EXOC4: variants seen among roughly 807,000 people sequenced by gnomAD.
EXOC4 encodes SEC8-like 1.
EXOC4 carries 71 observed loss-of-function variants against 107.2 expected under a neutral mutation model. The ratio of observed to expected loss-of-function variants is 0.66; its 90% CI spans 0.55 to 0.81. EXOC4 has a LOEUF of 0.81. Among genes scored for constraint, EXOC4 ranks in the 30% least tolerant of loss-of-function variants. The probability of loss-of-function intolerance (pLI) is 0.00; values close to 1 mark genes in which losing one functional copy is unlikely to be tolerated. For synonymous variants in EXOC4, 456 were observed against 441.2 expected, an observed-to-expected ratio of 1.03 and a Z score of -0.42; for missense variants, 1,108 against 1,189.6, an observed-to-expected ratio of 0.93 and a Z score of 1.01.
At chr7:133,776,295 C>T (rs1796344672) in intron 10 of EXOC4, among the ~76,000 whole-genome samples, 1 of 152,152 alleles carries the variant, frequency 6.6e-6, no homozygotes, top group African/African-American at 2.4e-5. Context: ...ATGCAGCATC[C>T]TCCTTAAAGT....
At chr7:133,973,204 A>C (rs1208592538) in intron 14 of EXOC4, among the ~76,000 whole-genome samples, 1 of 152,174 alleles carries the variant, frequency 6.6e-6, no homozygotes, top group Non-Finnish European at 1.5e-5. Context: ...GCATGAAAGT[A>C]ATCACCCCAT....
At chr7:133,696,587 A>C (rs1329468280) in intron 10 of EXOC4, among the ~76,000 whole-genome samples, 1 of 152,194 alleles carries the variant, frequency 6.6e-6, no homozygotes, top group Non-Finnish European at 1.5e-5. Context: ...ACAGTATTTT[A>C]AATGCAAAAC....
chr7:134,052,701 C>T (rs1296873460), intron 17 of EXOC4, among the ~76,000 whole-genome samples: 4 of 152,126 alleles, frequency 2.6e-5, no homozygotes, highest in Non-Finnish European at 4.4e-5. Flanking sequence ...TATTATTTAT[C>T]CCATGCTTAA....
At chr7:133,292,798 A>G (rs1794436486) in intron 3 of EXOC4, among the ~76,000 whole-genome samples, 2 of 152,214 alleles carry the variant, frequency 1.3e-5, no homozygotes, top group Admixed American at 6.5e-5. Flanking sequence ...TGTTCCCAGC[A>G]TAGTGTAGCT....
chr7:133,673,764 T>C (rs1793996778), intron 10 of EXOC4, among the ~76,000 whole-genome samples: 1 of 152,228 alleles, frequency 6.6e-6, no homozygotes, highest in South Asian at 2.1e-4. Context: ...ATAGGTCTTG[T>C]GGGAATTCTG....
intron 10 of EXOC4, among the ~76,000 whole-genome samples, chr7:133,681,319 CAAAGT>C (rs1328907963): frequency 3.9e-5 from 6 of 151,920 alleles, no homozygotes; most frequent in South Asian, 2.1e-4. Context: ...GTAAATAAAG[CAAAGT>C]AAAGGGCATT....
chr7:133,378,149 A>G (rs1796530390), intron 7 of EXOC4, among the ~76,000 whole-genome samples: 1 of 151,992 alleles, frequency 6.6e-6, no homozygotes, highest in African/African-American at 2.4e-5. Context: ...TCTCTATGAA[A>G]AATACAAAAG....
intron 10 of EXOC4, among the ~76,000 whole-genome samples, chr7:133,772,294 C>G (rs1796259762): frequency 6.6e-6 from 1 of 152,068 alleles, no homozygotes; most frequent in Admixed American, 6.6e-5. Context: ...ACACAGCAGT[C>G]TAACACCTGG....
intron 9 of EXOC4, among the ~76,000 whole-genome samples, chr7:133,587,261 G>A (rs1370063877): frequency 6.6e-6 from 1 of 152,194 alleles, no homozygotes; most frequent in Non-Finnish European, 1.5e-5. Flanking sequence ...TTCTATGAAA[G>A]TTAAATATTT....
intron 11 of EXOC4, among the ~76,000 whole-genome samples, chr7:133,862,774 T>C (rs1798562597): frequency 6.6e-6 from 1 of 152,196 alleles, no homozygotes; most frequent in African/African-American, 2.4e-5. Flanking sequence ...GTAGTTATTA[T>C]GTAGGGAAAG....
chr7:134,098,642 A>G, the EXOC4 span, among the ~76,000 whole-genome samples: 1 of 152,112 alleles, frequency 6.6e-6, no homozygotes, highest in African/African-American at 2.4e-5. Context: ...AAGTGAAGAA[A>G]TCCTCACAGC....
chr7:133,909,416 C>T (rs534628373), intron 12 of EXOC4, among the ~76,000 whole-genome samples: 6 of 152,178 alleles, frequency 3.9e-5, no homozygotes, highest in South Asian at 4.2e-4. Flanking sequence ...CCGCAGAGGA[C>T]GTGGCATTTG....
At chr7:133,281,300 A>AT (rs1794132468) in intron 2 of EXOC4, among the ~76,000 whole-genome samples, 1 of 150,746 alleles carries the variant, frequency 6.6e-6, no homozygotes, top group Non-Finnish European at 1.5e-5. Context: ...AAATAAATAA[A>AT]TAAATAAATA....
At chr7:133,987,038 A>G (rs1449972898) in intron 14 of EXOC4, among the ~76,000 whole-genome samples, 1 of 152,064 alleles carries the variant, frequency 6.6e-6, no homozygotes, top group Non-Finnish European at 1.5e-5. Flanking sequence ...TTTTTTAAGT[A>G]TTTAGTTTTG....
At chr7:133,596,610 T>C (rs965323959) in intron 9 of EXOC4, among the ~76,000 whole-genome samples, 1 of 152,154 alleles carries the variant, frequency 6.6e-6, no homozygotes, top group African/African-American at 2.4e-5. Flanking sequence ...TCAAATAGGG[T>C]GAGCTTTAGT....
chr7:133,335,617 C>T (rs1287732537), intron 5 of EXOC4, among the ~76,000 whole-genome samples: 1 of 152,150 alleles, frequency 6.6e-6, no homozygotes, highest in Admixed American at 6.5e-5. Context: ...GGACATTTGG[C>T]TATTGTGATA....
chr7:133,960,166 T>C (rs1162722367), intron 14 of EXOC4, among the ~76,000 whole-genome samples: 1 of 152,192 alleles, frequency 6.6e-6, no homozygotes, highest in Non-Finnish European at 1.5e-5. Context: ...GGATGTTGAT[T>C]AGAATACCTA....
At chr7:133,287,411 T>C (rs1297299165) in intron 2 of EXOC4, among the ~76,000 whole-genome samples, 2 of 152,012 alleles carry the variant, frequency 1.3e-5, no homozygotes, top group Non-Finnish European at 2.9e-5. Context: ...CCCAGGTTCA[T>C]GCCATTCTTC....
At chr7:133,260,573 C>T (rs1795126105) in intron 1 of EXOC4, among the ~76,000 whole-genome samples, 2 of 152,132 alleles carry the variant, frequency 1.3e-5, no homozygotes, top group African/African-American at 2.4e-5. Flanking sequence ...CGCGCCTGGC[C>T]CCTTTAACTT....
Sources: allele counts gnomAD v4.1 joint callset (sites outside exome capture counted in the v4.1 genomes callset), GRCh38; gene constraint gnomAD v4.1.1; transcripts MANE v1.5; gene names NCBI Gene and HGNC (gene_info 2026-07-23, HGNC 2026-07-21).